MSRB2: variants seen among roughly 807,000 people sequenced by gnomAD.
MSRB2 encodes the protein methionine sulfoxide reductase B2.
In MSRB2, 17 loss-of-function variants were observed where a neutral mutation model predicts 19.0. That is an observed-to-expected ratio of 0.89 (90% CI 0.61 to 1.34). MSRB2 has a LOEUF of 1.34. MSRB2 is among the 40% of genes most tolerant of loss of function. The pLI is 0.00. For synonymous variants in MSRB2, 107 were observed against 99.7 expected (o/e 1.07, Z -0.44); for missense variants, 208 against 237.6 (o/e 0.88, Z 0.82).
chr10:23,096,004 TG>T (rs747292176), intron 1 of MSRB2, among the ~76,000 whole-genome samples: 1 of 145,350 alleles, frequency 6.9e-6, no homozygotes, highest in Non-Finnish European at 1.5e-5. Flanking sequence ...GCTCGGGGAG[TG>T]GGGGCATAAG....
Position 23,095,717 on chromosome 10 carries a change from G to T in MSRB2, c.109G>T (p.Gly37Trp). The T allele has an allele frequency of 7.9e-7, 1 of 1,267,664 alleles. No individual in the cohort carries two copies. Among genetic ancestry groups the T allele is most frequent in the Non-Finnish European group, 9.9e-7 (1 of 1,010,902 alleles). 78.5% of individuals were successfully genotyped at this position (1,267,664 alleles called of 1,614,324 possible). ...GGGPGTGPGL[G>W]EAGSLATCEL... The stretch of plus-strand genomic sequence containing the variant: ...CGGGCCCGGCACCGGGCCGGGACTG[G>T]GGGAGGCAGGTAGGACGCGGGTCCC... Residue 37 changes from glycine (G) to tryptophan (W), a missense_variant, in exon 1 of 5, where the codon GGG (glycine) becomes TGG (tryptophan). Coordinates refer to ENST00000376510, the MANE Select transcript of MSRB2 (RefSeq NM_012228.4).
At chr10:23,117,858 T>C (rs1000592923) in intron 3 of MSRB2, among the ~76,000 whole-genome samples, 3 of 152,228 alleles carry the variant, frequency 2.0e-5, no homozygotes, top group African/African-American at 7.2e-5. Context: ...CCTAAAAAGC[T>C]GGGATTATAG....
chr10:23,111,766 G>A (rs375143285), intron 3 of MSRB2, among the ~76,000 whole-genome samples: 1 of 152,068 alleles, frequency 6.6e-6, no homozygotes, highest in Non-Finnish European at 1.5e-5. Context: ...GGCTAGCATG[G>A]CTGAGAAGCT....
chr10:23,097,005 A>G (rs1438432039), intron 1 of MSRB2, among the ~76,000 whole-genome samples: 1 of 152,240 alleles, frequency 6.6e-6, no homozygotes, highest in Non-Finnish European at 1.5e-5. Context: ...CCAGTAGGTA[A>G]CAGGAGCTGT....
At chr10:23,096,944 A>C (rs3793756) in intron 1 of MSRB2, among the ~76,000 whole-genome samples, 27,603 of 152,130 alleles carry the variant, frequency 0.18, 3,047 homozygotes, top group South Asian at 0.27. Flanking sequence ...CAGCCTAATG[A>C]ATTGCCCTGG....
At position 23,104,030 on chromosome 10, in the gene MSRB2, G is replaced by A; in HGVS notation, c.119-114G>A. 4.3e-6 allele frequency: 3 copies of A among 698,712 alleles called. No individual in the cohort carries two copies. The South Asian group carries it at 6.6e-5, about 15-fold the overall frequency. The allele number at this position is 698,712 out of a possible 1,614,324, so 43.3% of individuals were successfully genotyped here. Reference sequence around the variant, plus strand: ...AAGAATAAACTCGTGGGAGAGAGAGGAAGGGACTGGATTATTCTGCTGGGT... The same window carrying A: ...AAGAATAAACTCGTGGGAGAGAGAGAAAGGGACTGGATTATTCTGCTGGGT... On this transcript the variant is annotated intron_variant, in intron 1 of 4. Coordinates refer to ENST00000376510, the MANE Select transcript of MSRB2 (RefSeq NM_012228.4).
At chr10:23,095,803 A>G (rs1020368558) in intron 1 of MSRB2, 77 bp downstream of exon 1, 40 of 1,038,224 alleles carry the variant, frequency 3.9e-5, no homozygotes, top group Non-Finnish European at 4.7e-5. Context: ...CCGGGAGCCT[A>G]GGGCCGGTCC....
rs1013569185 is a variant in MSRB2, at chr10:23,095,844, C to T, written c.118+118C>T. 5.3e-6 allele frequency: 3 copies of T among 565,504 alleles called. No homozygotes were observed. In the African/African-American group the frequency reaches 6.2e-5, roughly 12 times the overall value. The allele number at this position is 565,504 out of a possible 1,614,324, so 35.0% of individuals were successfully genotyped here. On this transcript the variant is annotated intron_variant, in intron 1 of 4. Coordinates refer to ENST00000376510, the MANE Select transcript of MSRB2 (RefSeq NM_012228.4). ...GGGCGCTGCCCTCCTACTAAGCCCT[C>T]CTCGGCGCGCCCCTCCCCCCCCCCA...
In MSRB2 at chr10:23,110,246, T is replaced by C; in HGVS notation, c.224T>C (p.Phe75Ser). 6.2e-7 allele frequency: 1 copy of C among 1,613,286 alleles called. No individual in the cohort carries two copies. Among genetic ancestry groups the C allele is most frequent in the Non-Finnish European group, 8.5e-7 (1 of 1,179,398 alleles). The change falls in exon 3 of 5, where the codon TTC becomes TCC. Residue 75 changes from phenylalanine to serine, a missense_variant. Phe to Ser is a radical substitution (Grantham distance 155). Coordinates refer to ENST00000376510, the MANE Select transcript of MSRB2 (RefSeq NM_012228.4). ...VTREKGTEPP[F>S]SGIYLNNKEA... ...ACATATCTAATTTACTTTCAGCCTT[T>C]CAGTGGGATCTACCTGAATAACAAG...
At chr10:23,113,012 G>C (rs1293686173) in intron 3 of MSRB2, among the ~76,000 whole-genome samples, 3 of 152,214 alleles carry the variant, frequency 2.0e-5, no homozygotes, top group African/African-American at 7.2e-5. Context: ...ATATTCCTGA[G>C]ACTTCTTCCT....
At chr10:23,118,907 G>A (rs531043186) in intron 3 of MSRB2, 10 of 389,138 alleles carry the variant, frequency 2.6e-5, no homozygotes, top group Non-Finnish European at 4.2e-5. Flanking sequence ...ACACTTCTGC[G>A]CTGCTCTAAG....
At chr10:23,107,874 A>G (rs1173711456) in intron 2 of MSRB2, among the ~76,000 whole-genome samples, 1 of 152,172 alleles carries the variant, frequency 6.6e-6, no homozygotes, top group Non-Finnish European at 1.5e-5. Context: ...TTGGAGAGGG[A>G]GGGAAACATC....
At chr10:23,109,279 G>C (rs972212275) in intron 2 of MSRB2, among the ~76,000 whole-genome samples, 1 of 152,356 alleles carries the variant, frequency 6.6e-6, no homozygotes, top group East Asian at 1.9e-4. Flanking sequence ...GCCGGGTGCA[G>C]TGGCTCATGC....
chr10:23,105,351 T>G (rs1336094363), intron 2 of MSRB2, among the ~76,000 whole-genome samples: 4 of 152,138 alleles, frequency 2.6e-5, no homozygotes, highest in Non-Finnish European at 5.9e-5. Context: ...ACATTTTTGT[T>G]AAGTGTCATC....
chr10:23,117,175 C>T (rs573753216), intron 3 of MSRB2, among the ~76,000 whole-genome samples: 65 of 152,304 alleles, frequency 4.3e-4, no homozygotes, highest in African/African-American at 1.0e-3. Context: ...CAAGGTGATA[C>T]AGATGTAACA....
In MSRB2 at chr10:23,103,875, T is replaced by C. The variant is rs184300414; in HGVS notation, c.119-269T>C. Reference sequence around the variant, plus strand: ...AGGGAATGTATTCCGCATTCTTTCATATTTCAGCTGCCTCTTTCACTTCTG... The same window carrying C: ...AGGGAATGTATTCCGCATTCTTTCACATTTCAGCTGCCTCTTTCACTTCTG... On this transcript the variant is annotated intron_variant, in intron 1 of 4. Coordinates refer to ENST00000376510, the MANE Select transcript of MSRB2 (RefSeq NM_012228.4). 1.1e-4 allele frequency among the ~76,000 whole-genome samples: 17 copies of C among 152,338 alleles called. No homozygotes were observed. In the East Asian group the frequency reaches 3.1e-3, roughly 28 times the overall value.
rs754680466 is a variant in MSRB2 at position 23,095,680 on chromosome 10, A to G, written c.72A>G (p.Gln24=). ...GTAPRRAVRG[Q]AGGGGPGTGP... ...CGCCTCGGCGGGCGGTGCGGGGCCA[A>G]GCGGGCGGCGGCGGGCCCGGCACCG... Residue 24 remains glutamine (Q), a synonymous_variant, in exon 1 of 5, where the codon CAA becomes CAG. Coordinates refer to ENST00000376510, the MANE Select transcript of MSRB2 (RefSeq NM_012228.4). The G allele has an allele frequency of 9.6e-5, 128 of 1,328,846 alleles. 2 individuals are homozygous for G. In the South Asian group the frequency reaches 2.3e-3, roughly 24 times the overall value. The allele number at this position is 1,328,846 out of a possible 1,614,324, so 82.3% of individuals were successfully genotyped here.
intron 3 of MSRB2, among the ~76,000 whole-genome samples, chr10:23,111,588 C>T (rs543329144): frequency 2.6e-5 from 4 of 152,258 alleles, no homozygotes; most frequent in African/African-American, 9.6e-5. Flanking sequence ...TTCTTCCCTT[C>T]CTTTCACCTT....
intron 2 of MSRB2, 47 bp from the exon 3 acceptor site, chr10:23,110,195 C>T: frequency 6.9e-7 from 1 of 1,452,126 alleles, no homozygotes; most frequent in Non-Finnish European, 9.7e-7. Flanking sequence ...TCAACTCCTG[C>T]CAGTAGTATG....
Sources: allele counts gnomAD v4.1 joint callset (sites outside exome capture counted in the v4.1 genomes callset), GRCh38; gene constraint gnomAD v4.1.1; transcripts MANE v1.5; gene names NCBI Gene and HGNC (gene_info 2026-07-23, HGNC 2026-07-21).